The following C1orf21 variants were observed in gnomAD, a reference collection of about 807,000 sequenced individuals.
The protein encoded by C1orf21 is chromosome 1 open reading frame 21, also known as uncharacterized protein C1orf21.
Under a neutral mutation model 18.7 loss-of-function variants are expected in C1orf21, and 3 were observed. The ratio of observed to expected loss-of-function variants is 0.16; its 90% CI spans 0.07 to 0.42. The LOEUF (loss-of-function observed/expected upper bound fraction) is 0.42, where lower values mean the gene tolerates loss of function less well. Among genes scored for constraint, C1orf21 ranks in the 10% least tolerant of loss-of-function variants. C1orf21 has a pLI of 0.99. For synonymous variants in C1orf21, 41 were observed against 46.4 expected (o/e 0.88, Z 0.47); for missense variants, 104 against 143.6 (o/e 0.72, Z 1.41).
intron 1 of C1orf21, among the ~76,000 whole-genome samples, chr1:184,441,351 A>G (rs1269052779): frequency 6.6e-6 from 1 of 152,252 alleles, no homozygotes; most frequent in Admixed American, 6.5e-5. Flanking sequence ...CTTTACAAAA[A>G]GGGGTGGCAG....
intron 4 of C1orf21, among the ~76,000 whole-genome samples, chr1:184,597,021 A>G (rs184037391): frequency 3.0e-4 from 46 of 152,332 alleles, no homozygotes; most frequent in Admixed American, 3.0e-3. Context: ...GTGAAAACAT[A>G]AGGAACCTGG....
intron 1 of C1orf21, among the ~76,000 whole-genome samples, chr1:184,432,907 C>T (rs756545664): frequency 1.3e-5 from 2 of 152,140 alleles, no homozygotes; most frequent in Non-Finnish European, 2.9e-5. Context: ...TATTTGATAA[C>T]AAGAGACAAG....
chr1:184,417,127 C>T (rs1209405034), intron 1 of C1orf21, among the ~76,000 whole-genome samples: 2 of 152,044 alleles, frequency 1.3e-5, no homozygotes, highest in Non-Finnish European at 2.9e-5. Flanking sequence ...CTGTTTTTGG[C>T]TCAGTCGAAA....
At chr1:184,571,022 G>A (rs542003407) in intron 3 of C1orf21, among the ~76,000 whole-genome samples, 11 of 152,170 alleles carry the variant, frequency 7.2e-5, no homozygotes, top group East Asian at 1.9e-4. Flanking sequence ...GGCCGGGCGC[G>A]GTGGCTCACG....
chr1:184,419,896 G>A (rs1398081122), intron 1 of C1orf21, among the ~76,000 whole-genome samples: 1 of 152,178 alleles, frequency 6.6e-6, no homozygotes, highest in African/African-American at 2.4e-5. Flanking sequence ...GGCCCTGGAG[G>A]CCACTGAGGG....
At chr1:184,396,895 C>A (rs954883352) in intron 1 of C1orf21, among the ~76,000 whole-genome samples, 2 of 152,130 alleles carry the variant, frequency 1.3e-5, no homozygotes, top group Admixed American at 6.5e-5. Flanking sequence ...CCTTTTGTAT[C>A]CAAAGAACAC....
chr1:184,452,962 A>G (rs991035375), intron 1 of C1orf21, among the ~76,000 whole-genome samples: 7 of 152,218 alleles, frequency 4.6e-5, no homozygotes, highest in African/African-American at 1.7e-4. Flanking sequence ...TTGAGTCAGA[A>G]AGAAGCATAA....
chr1:184,511,785 C>T (rs1658150050), intron 3 of C1orf21, among the ~76,000 whole-genome samples: 1 of 151,550 alleles, frequency 6.6e-6, no homozygotes, highest in Non-Finnish European at 1.5e-5. Flanking sequence ...AAAACAAACC[C>T]GTTCTTGTTC....
intron 2 of C1orf21, among the ~76,000 whole-genome samples, chr1:184,489,521 CA>C (rs1186232769): frequency 6.6e-6 from 1 of 152,098 alleles, no homozygotes; most frequent in Non-Finnish European, 1.5e-5. Flanking sequence ...TAACATATAT[CA>C]AAAATGTAAA....
At chr1:184,515,867 G>A (rs1469569778) in intron 3 of C1orf21, among the ~76,000 whole-genome samples, 2 of 152,162 alleles carry the variant, frequency 1.3e-5, no homozygotes, top group Non-Finnish European at 2.9e-5. Context: ...AGGCCGGAGT[G>A]CAATGGCGTG....
At chr1:184,606,854 G>A (rs1659653213) in intron 5 of C1orf21, among the ~76,000 whole-genome samples, 1 of 152,126 alleles carries the variant, frequency 6.6e-6, no homozygotes, top group Non-Finnish European at 1.5e-5. Context: ...TTTAGAGAAT[G>A]TCTTATCCAA....
At chr1:184,424,052 C>G (rs1006675620) in intron 1 of C1orf21, among the ~76,000 whole-genome samples, 7 of 152,262 alleles carry the variant, frequency 4.6e-5, no homozygotes, top group South Asian at 2.1e-4. Flanking sequence ...TTGGAAAGTT[C>G]TTTTTTCCTT....
chr1:184,567,498 T>G, intron 3 of C1orf21: 1 of 537,242 alleles, frequency 1.9e-6, no homozygotes, highest in Non-Finnish European at 3.8e-6. Flanking sequence ...GTAGGGAAGC[T>G]GAGTGCAGTG....
At chr1:184,501,443 C>T (rs1657975364) in intron 2 of C1orf21, among the ~76,000 whole-genome samples, 1 of 152,144 alleles carries the variant, frequency 6.6e-6, no homozygotes, top group Non-Finnish European at 1.5e-5. Flanking sequence ...TCACGTCCTC[C>T]AAGACTCCGC....
intron 3 of C1orf21, among the ~76,000 whole-genome samples, chr1:184,517,797 G>A (rs1481155082): frequency 6.6e-6 from 1 of 152,112 alleles, no homozygotes; most frequent in East Asian, 1.9e-4. Context: ...TTCCTAGACA[G>A]TTTAATAAAT....
intron 3 of C1orf21, among the ~76,000 whole-genome samples, chr1:184,586,847 A>G (rs983284227): frequency 3.3e-5 from 5 of 152,132 alleles, no homozygotes; most frequent in Non-Finnish European, 7.3e-5. Context: ...TTTGTCATGA[A>G]ATCTTTGTCC....
intron 3 of C1orf21, among the ~76,000 whole-genome samples, chr1:184,556,830 T>C (rs1038569438): frequency 4.6e-5 from 7 of 152,188 alleles, no homozygotes; most frequent in Non-Finnish European, 8.8e-5. Context: ...AGGGAAAAGA[T>C]GAATGGAAGA....
intron 3 of C1orf21, among the ~76,000 whole-genome samples, chr1:184,584,965 GCA>G (rs1659331750): frequency 1.3e-5 from 2 of 152,118 alleles, no homozygotes; most frequent in Admixed American, 1.3e-4. Context: ...TGGGATGATG[GCA>G]CTATGTTGAA....
At chr1:184,494,664 T>C (rs1657863905) in intron 2 of C1orf21, among the ~76,000 whole-genome samples, 1 of 152,186 alleles carries the variant, frequency 6.6e-6, no homozygotes, top group Non-Finnish European at 1.5e-5. Context: ...CAATACAAGC[T>C]CCTCTTTAGT....
Sources: gnomAD v4.1 joint callset for allele counts (sites outside exome capture counted in the v4.1 genomes callset) on GRCh38, gnomAD v4.1.1 for gene constraint, MANE v1.5 for transcripts, NCBI Gene and HGNC (gene_info 2026-07-23, HGNC 2026-07-21) for gene names.